The following MON2 variants were observed in gnomAD, a reference collection of about 807,000 sequenced individuals.
The protein encoded by MON2 is MON2 regulator of endosome-to-Golgi trafficking.
Under a neutral mutation model 208.6 loss-of-function variants are expected in MON2, and 84 were observed. The ratio of observed to expected loss-of-function variants is 0.40; its 90% confidence interval spans 0.34 to 0.48. The LOEUF is 0.48. Among genes scored for constraint, MON2 ranks in the 20% least tolerant of loss-of-function variants. The pLI is 0.59. For synonymous variants in MON2, 660 were observed against 694.0 expected, an observed-to-expected ratio of 0.95 and a Z score of 0.77; for missense variants, 1,611 against 2,015.4, an observed-to-expected ratio of 0.80 and a Z score of 3.84.
chr12:62,466,855 G>C lies in MON2; in HGVS notation c.-353G>C. 2.3e-6 allele frequency: 1 copy of C among 428,508 alleles called. No individual in the cohort carries two copies. The highest frequency in any genetic ancestry group is 6.3e-5 in the South Asian group (1 of 15,948). 26.5% of individuals were successfully genotyped at this position (428,508 alleles called of 1,614,324 possible). On this transcript the variant is annotated 5_prime_UTR_variant, in exon 1 of 35. Transcript: ENST00000393630. ...CGGCTAATGGCGTCGGCGAGTCTTA[G>C]GGGCCTGGGGAGCTGGCGCTGAAGC...
Position 62,544,846 on chromosome 12 carries a change from T to G in MON2, c.2467-52T>G, listed in dbSNP as rs373303072. On this transcript the variant is annotated intron_variant, in intron 20 of 34. Transcript: ENST00000393630. ...TTTGATATAAAATGTAAAATTGATG[T>G]GTGATTCATAGCTTAAGTATACAAA... The G allele has an allele frequency of 1.4e-3, 2,176 of 1,582,446 alleles. 4 individuals carry two copies. The highest frequency in any genetic ancestry group is 1.7e-3 in the Non-Finnish European group (1,987 of 1,157,032).
intron 11 of MON2, among the ~76,000 whole-genome samples, chr12:62,530,386 A>G (rs980852409): frequency 6.6e-6 from 1 of 152,014 alleles, no homozygotes; most frequent in African/African-American, 2.4e-5. Context: ...TCCTGCCACC[A>G]TGCCCGGCTA....
rs923340463 is a variant in MON2, at chr12:62,593,936, C to T, written c.*1187C>T. ...TAGAAGTGCAGTGAACTTGCTGTCACGGAGTAAAATGCTAATTATGTTTCA... is the reference window on the plus strand; with the variant it reads ...TAGAAGTGCAGTGAACTTGCTGTCATGGAGTAAAATGCTAATTATGTTTCA... On this transcript the variant is annotated 3_prime_UTR_variant, in exon 35 of 35. Coordinates refer to ENST00000393630, the MANE Select transcript of MON2 (RefSeq NM_015026.3). The T allele has an allele frequency of 4.6e-5, 7 of 152,090 alleles. No homozygotes were observed. Among genetic ancestry groups the T allele is most frequent in the East Asian group, 1.9e-4 (1 of 5,198 alleles). 9.4% of individuals were successfully genotyped at this position (152,090 alleles called of 1,614,324 possible).
intron 8 of MON2, among the ~76,000 whole-genome samples, chr12:62,519,901 C>T (rs888936508): frequency 1.3e-5 from 2 of 152,214 alleles, no homozygotes; most frequent in Admixed American, 6.5e-5. Context: ...CTGTAAACTC[C>T]GCCTCCTGGA....
At chr12:62,470,825 C>A in intron 1 of MON2, 1 of 804,848 alleles carries the variant, frequency 1.2e-6, no homozygotes, top group Non-Finnish European at 1.5e-6. Flanking sequence ...ATGATTGGAG[C>A]CATTAGAGCT....
chr12:62,547,946 A>G (rs1332251292), intron 22 of MON2, among the ~76,000 whole-genome samples: 1 of 152,160 alleles, frequency 6.6e-6, no homozygotes, highest in East Asian at 1.9e-4. Context: ...GCCGAATGAC[A>G]CATTTCTCAG....
intron 24 of MON2, 128 bp from the exon 25 acceptor site, chr12:62,555,866 A>G (rs1240295102): frequency 7.3e-6 from 5 of 684,274 alleles, no homozygotes; most frequent in Non-Finnish European, 1.2e-5. Flanking sequence ...CCTCCAATAT[A>G]TAGGGATTGA....
chr12:62,534,829 G>GT lies in MON2; in HGVS notation c.1634-9dup, dbSNP rs747116099. 11 of 1,583,640 alleles carry GT rather than the reference G, an allele frequency of 6.9e-6. No homozygotes were observed. Among genetic ancestry groups the GT allele is most frequent in the East Asian group, 4.5e-5 (2 of 44,408 alleles). ...CTATAATTAAAATTAAATATTGTAT[G>GT]TTTTTTTCCTTTAAGTTAGTAGGGC... is the stretch of plus-strand genomic sequence containing the variant. On this transcript the variant is annotated splice_polypyrimidine_tract_variant and intron_variant, in intron 12 of 34. Coordinates refer to ENST00000393630, the MANE Select transcript of MON2 (RefSeq NM_015026.3).
intron 1 of MON2, among the ~76,000 whole-genome samples, chr12:62,468,441 AAT>A (rs2068620081): frequency 6.6e-6 from 1 of 152,200 alleles, no homozygotes; most frequent in Non-Finnish European, 1.5e-5. Flanking sequence ...TACTTATTTA[AAT>A]ATATCTTTAT....
chr12:62,528,363 G>A (rs4763174), intron 11 of MON2, among the ~76,000 whole-genome samples: 54,309 of 151,958 alleles, frequency 0.36, 9,858 homozygotes, highest in African/African-American at 0.38. Context: ...TAGTTTGGAC[G>A]TAAGTATTGG....
At chr12:62,494,224 A>T (rs1322655071) in intron 3 of MON2, among the ~76,000 whole-genome samples, 182 bp downstream of exon 3, 3 of 152,186 alleles carry the variant, frequency 2.0e-5, no homozygotes, top group African/African-American at 7.2e-5. Context: ...ACAAACAAGT[A>T]TTTTTGCAAG....
chr12:62,559,639 G>A (rs2074121790), intron 25 of MON2, among the ~76,000 whole-genome samples: 2 of 152,130 alleles, frequency 1.3e-5, no homozygotes, highest in Non-Finnish European at 2.9e-5. Context: ...AAATAAATTA[G>A]CCAGGCATGG....
intron 5 of MON2, 134 bp from the exon 6 acceptor site, chr12:62,500,649 G>A (rs933320411): frequency 5.8e-6 from 3 of 514,806 alleles, no homozygotes; most frequent in African/African-American, 2.0e-5. Flanking sequence ...GTTAACATTG[G>A]AAATTTTAAT....
chr12:62,569,379 T>C (rs2074502146), intron 29 of MON2, among the ~76,000 whole-genome samples: 1 of 152,124 alleles, frequency 6.6e-6, no homozygotes, highest in South Asian at 2.1e-4. Flanking sequence ...AATTGGAAAA[T>C]TCAAAGATAG....
intron 32 of MON2, among the ~76,000 whole-genome samples, chr12:62,583,798 A>C (rs934862509): frequency 1.3e-5 from 2 of 151,118 alleles, no homozygotes; most frequent in Non-Finnish European, 1.5e-5. Context: ...AAAAAAAAAA[A>C]AAAATACAAA....
At chr12:62,583,974 A>AG (rs1198678562) in intron 32 of MON2, among the ~76,000 whole-genome samples, 3 of 147,034 alleles carry the variant, frequency 2.0e-5, no homozygotes, top group Non-Finnish European at 3.0e-5. Flanking sequence ...AAAAAAAAAA[A>AG]CAAAAAAAAA....
intron 7 of MON2, among the ~76,000 whole-genome samples, chr12:62,505,265 A>C (rs577708965): frequency 8.5e-5 from 13 of 152,232 alleles, no homozygotes; most frequent in Non-Finnish European, 1.5e-4. Flanking sequence ...TATCTGTGAG[A>C]CATGCAAAAT....
Position 62,597,407 on chromosome 12 carries a change from C to G in MON2, c.*4658C>G, listed in dbSNP as rs184721348. On this transcript the variant is annotated 3_prime_UTR_variant, in exon 35 of 35. Coordinates refer to ENST00000393630, the MANE Select transcript of MON2 (RefSeq NM_015026.3). ...GGAGCTGTTAGTGGTAGAACCACTG[C>G]TCATGGTTCTACCACTACAAAGTGG... is the stretch of plus-strand genomic sequence containing the variant. 6.6e-6 allele frequency: 1 copy of G among 152,258 alleles called. No homozygotes were observed. The highest frequency in any genetic ancestry group is 1.5e-5 in the Non-Finnish European group (1 of 68,020). The allele number at this position is 152,258 out of a possible 1,614,324, so 9.4% of individuals were successfully genotyped here.
Position 62,542,045 on chromosome 12 carries a change from G to GT in MON2, c.2365-1050dup, listed in dbSNP as rs1229899262. ...GGTTATATAGCTATTAAGTAGTAGA[G>GT]TTGAGATGAGATCCCAGTTAAAACT... On this transcript the variant is annotated intron_variant, in intron 19 of 34. Coordinates refer to ENST00000393630, the MANE Select transcript of MON2 (RefSeq NM_015026.3). Among the ~76,000 whole-genome samples, 10 of 152,250 alleles carry GT rather than the reference G, an allele frequency of 6.6e-5. No homozygotes were observed. In the South Asian group the frequency reaches 1.2e-3, roughly 19 times the overall value.
Sources: gnomAD v4.1 joint callset for allele counts (sites outside exome capture counted in the v4.1 genomes callset) on GRCh38, gnomAD v4.1.1 for gene constraint, MANE v1.5 for transcripts, NCBI Gene and HGNC (gene_info 2026-07-23, HGNC 2026-07-21) for gene names.